Variants in CCNA1 observed in about 807,000 individuals in gnomAD.
The protein encoded by CCNA1 is cyclin-A1.
In CCNA1, 23 loss-of-function variants were observed where a neutral mutation model predicts 54.1. The ratio of observed to expected loss-of-function variants is 0.42; its 90% CI spans 0.31 to 0.60. The LOEUF (loss-of-function observed/expected upper bound fraction) is 0.60. CCNA1 is among the 20% of genes least tolerant of loss of function. CCNA1 has a pLI of 0.14. For missense variants in CCNA1, 450 were observed against 556.7 expected (o/e 0.81, Z 1.93); for synonymous variants, 208 against 213.9 (o/e 0.97, Z 0.24).
rs75259848 is a variant in CCNA1, at chr13:36,432,598, G to A, written c.-24G>A. 6,223 of 1,505,490 alleles carry A rather than the reference G, an allele frequency of 4.1e-3. 227 individuals carry two copies. In the African/African-American group the frequency reaches 0.076, roughly 18 times the overall value. The allele number at this position is 1,505,490 out of a possible 1,614,324, so 93.3% of individuals were successfully genotyped here. A position where few individuals can be genotyped will look rare whatever the true frequency, so the allele number is the denominator to read the frequency against. On this transcript the variant is annotated 5_prime_UTR_variant, in exon 1 of 9. Coordinates refer to ENST00000255465, the MANE Select transcript of CCNA1 (RefSeq NM_003914.4). ...CTGTCTGGTGGGAGGAGGCCGCAGC[G>A]CAGCACCCTGCTCGTCACTTGGGAT...
intron 2 of CCNA1, among the ~76,000 whole-genome samples, chr13:36,435,780 G>A (rs1593322268): frequency 6.6e-6 from 1 of 152,260 alleles, no homozygotes; most frequent in Middle Eastern, 3.4e-3. Flanking sequence ...ATATTCAGGA[G>A]CCTACTTGGC....
Position 36,433,414 on chromosome 13 carries a change from C to CG in CCNA1, c.297+193_297+194insG, listed in dbSNP as rs1311573420. Among the ~76,000 whole-genome samples, 359 of 122,394 alleles carry CG rather than the reference C, an allele frequency of 2.9e-3. 9 individuals carry two copies. Among genetic ancestry groups the CG allele is most frequent in the African/African-American group, 0.01 (347 of 33,192 alleles). 80.3% of individuals were successfully genotyped at this position (122,394 alleles called of 152,430 possible). A position where few individuals can be genotyped will look rare whatever the true frequency, so the allele number is the denominator to read the frequency against. ...TCTTTCTTTCTTTCTTTCTTTCTTT[C>CG]TTTCTTTCTTTCTTTCTTTCTTTCT... On this transcript the variant is annotated intron_variant, in intron 2 of 8. Coordinates refer to ENST00000255465, the MANE Select transcript of CCNA1 (RefSeq NM_003914.4).
chr13:36,434,306 G>A lies in CCNA1; in HGVS notation c.297+1085G>A, dbSNP rs541413715. Among the ~76,000 whole-genome samples, 70 of 152,306 alleles carry A rather than the reference G, an allele frequency of 4.6e-4. 1 individual carries two copies. The highest frequency in any genetic ancestry group is 3.7e-3 in the South Asian group (18 of 4,820). On this transcript the variant is annotated intron_variant, in intron 2 of 8. Transcript: ENST00000255465. ...AAACTATACCTTTCCTATTTCATAA[G>A]TGAGAAAATCTGAAAGGTTTAAGCC...
intron 2 of CCNA1, among the ~76,000 whole-genome samples, chr13:36,434,514 G>T (rs1053287929): frequency 1.3e-5 from 2 of 152,106 alleles, no homozygotes; most frequent in African/African-American, 4.8e-5. Flanking sequence ...TGAATTGTCA[G>T]TTGTGCCTGT....
rs748774557 is a variant in CCNA1 at position 36,432,653 on chromosome 13, C to T, written c.32C>T (p.Pro11Leu). The change falls in exon 1 of 9, where the codon CCT (proline) becomes CTT (leucine). Residue 11 changes from proline (P) to leucine (L), a missense_variant. Pro to Leu is a moderately conservative substitution (Grantham distance 98). This residue lies in a region of CCNA1 where 103 missense variants were observed against 100.9 expected (regional missense o/e 1.02). Coordinates refer to ENST00000255465, the MANE Select transcript of CCNA1 (RefSeq NM_003914.4). ...ACCGGCTTTCCCGCAATCATGTACC[C>T]TGGATCTTTTATTGGGGGCTGGGGA... 2.5e-6 allele frequency: 4 copies of T among 1,608,904 alleles called. No homozygotes were observed. The highest frequency in any genetic ancestry group is 2.2e-5 in the South Asian group (2 of 90,278).
rs1235080622 is a variant in CCNA1, at chr13:36,440,044, C to T, written c.959C>T (p.Thr320Ile). ...GTCTATATCACCGATGATACATACA[C>T]AAAACGACAACTGTTAAAAATGGAA... Residue 320 changes from threonine (T) to isoleucine (I), a missense_variant, in exon 6 of 9, where the codon ACA becomes ATA. By Grantham distance (89) the Thr-to-Ile change is moderately conservative. Around this residue, in one of 6 missense-constraint regions of CCNA1, gnomAD observed 150 missense variants for 219.7 expected, o/e 0.68. Coordinates refer to ENST00000255465, the MANE Select transcript of CCNA1 (RefSeq NM_003914.4). 1 of 1,613,572 alleles carries T rather than the reference C, an allele frequency of 6.2e-7. No individual in the cohort carries two copies. The highest frequency in any genetic ancestry group is 1.7e-5 in the Admixed American group (1 of 60,014).
intron 5 of CCNA1, among the ~76,000 whole-genome samples, 199 bp from the exon 6 acceptor site, chr13:36,439,780 A>C (rs545793328): frequency 1.5e-4 from 23 of 152,282 alleles, no homozygotes; most frequent in Admixed American, 4.6e-4. Context: ...AATATAACCT[A>C]TCCTTGTGAT....
rs774471192 is a variant in CCNA1 at position 36,437,678 on chromosome 13, C to T, written c.347C>T (p.Pro116Leu). 1.9e-5 allele frequency: 31 copies of T among 1,613,890 alleles called. No individual in the cohort carries two copies. The highest frequency in any genetic ancestry group is 2.6e-5 in the Non-Finnish European group (31 of 1,179,916). ...TCTGGATCAGAAAATGCCTTCCCTC[C>T]AGCTGGAAAGAAAGCACTCCCTGAC... Residue 116 changes from proline (P) to leucine (L), a missense_variant, in exon 3 of 9, where the codon CCA (proline) becomes CTA (leucine). Coordinates refer to ENST00000255465, the MANE Select transcript of CCNA1 (RefSeq NM_003914.4).
At chr13:36,439,343 G>T (rs1332372715) in intron 5 of CCNA1, among the ~76,000 whole-genome samples, 1 of 152,126 alleles carries the variant, frequency 6.6e-6, no homozygotes, top group East Asian at 1.9e-4. Context: ...AGAGAGCTGG[G>T]TTGTGGCTGA....
At chr13:36,441,802 C>CT (rs921080589) in intron 7 of CCNA1, among the ~76,000 whole-genome samples, 2 of 151,728 alleles carry the variant, frequency 1.3e-5, no homozygotes, top group Admixed American at 6.6e-5. Flanking sequence ...TTTTCTTTTA[C>CT]TTTTTTTTAA....
chr13:36,437,999 T>C, intron 3 of CCNA1, 68 bp from the exon 4 acceptor site: 1 of 1,584,068 alleles, frequency 6.3e-7, no homozygotes, highest in Non-Finnish European at 8.6e-7. Flanking sequence ...CAACTGCCTG[T>C]AGAGGGTTAG....
chr13:36,441,814 T>G (rs1321816566), intron 7 of CCNA1, among the ~76,000 whole-genome samples: 1 of 152,220 alleles, frequency 6.6e-6, no homozygotes, highest in Admixed American at 6.5e-5. Context: ...TTTTTTTAAG[T>G]AATTCTTATT....
Position 36,440,772 on chromosome 13 carries a change from A to G in CCNA1, c.1099-346A>G, listed in dbSNP as rs188510557. On this transcript the variant is annotated intron_variant, in intron 6 of 8. Coordinates refer to ENST00000255465, the MANE Select transcript of CCNA1 (RefSeq NM_003914.4). ...AACTGCCTGATAGATTAATAGCTTT[A>G]ATATTTTTGTCTTTTGGCTAAAATC... 2.9e-3 allele frequency among the ~76,000 whole-genome samples: 438 copies of G among 152,302 alleles called. 4 individuals are homozygous for G. The highest frequency in any genetic ancestry group is 9.9e-3 in the African/African-American group (413 of 41,568).
intron 2 of CCNA1, among the ~76,000 whole-genome samples, chr13:36,434,837 C>CG (rs1484494524): frequency 6.6e-6 from 1 of 150,650 alleles, no homozygotes; most frequent in Admixed American, 6.6e-5. Flanking sequence ...CCCCCCCCCC[C>CG]GCGCCATGCG....
At chr13:36,434,316 C>A (rs11617508) in intron 2 of CCNA1, among the ~76,000 whole-genome samples, 31,767 of 152,116 alleles carry the variant, frequency 0.21, 3,725 homozygotes, top group Non-Finnish European at 0.26. Flanking sequence ...GTGAGAAAAT[C>A]TGAAAGGTTT....
At chr13:36,434,530 A>C (rs868106397) in intron 2 of CCNA1, among the ~76,000 whole-genome samples, 4 of 152,170 alleles carry the variant, frequency 2.6e-5, no homozygotes, top group Middle Eastern at 3.4e-3. Context: ...CCTGTGTTGA[A>C]TGGTCGCATT....
At chr13:36,432,823 A>G (rs2055731924) in intron 1 of CCNA1, 94 bp downstream of exon 1, 2 of 1,008,266 alleles carry the variant, frequency 2.0e-6, no homozygotes, top group African/African-American at 1.6e-5. Context: ...AGCCTCCCTC[A>G]GGGATTCAAA....
rs773640359 is a variant in CCNA1, at chr13:36,438,101, C to G, written c.579C>G (p.Ser193=). The change falls in exon 4 of 9, where the codon TCC becomes TCG. Residue 193 remains serine, a synonymous_variant. Transcript: ENST00000255465. The stretch of plus-strand genomic sequence containing the variant: ...TGCTGGTAGATTCATCTCTCCTCTC[C>G]CAGTCTGAAGATATATCCAGTCTTG... The G allele has an allele frequency of 2.5e-6, 4 of 1,613,572 alleles. No homozygotes were observed. The South Asian group carries it at 4.4e-5, about 18-fold the overall frequency.
intron 8 of CCNA1, 71 bp downstream of exon 8, chr13:36,442,375 AT>A: frequency 6.7e-7 from 1 of 1,497,648 alleles, no homozygotes. Context: ...TGGTTACTAG[AT>A]TAAAAATAGA....
Sources: allele counts gnomAD v4.1 joint callset (sites outside exome capture counted in the v4.1 genomes callset), GRCh38; gene constraint gnomAD v4.1.1; regional missense constraint gnomAD v4.1.1; transcripts MANE v1.5; gene names NCBI Gene and HGNC (gene_info 2026-07-23, HGNC 2026-07-21).